Variants in TRIM44 observed in about 807,000 individuals in gnomAD.
TRIM44 encodes tripartite motif-containing protein 44.
In TRIM44, 13 loss-of-function variants were observed where a neutral mutation model predicts 37.4. The observed-to-expected ratio is 0.35, with a 90% CI of 0.23 to 0.55. TRIM44 has a LOEUF of 0.55. Among genes scored for constraint, TRIM44 ranks in the 20% least tolerant of loss-of-function variants. The probability of loss-of-function intolerance (pLI) is 0.89; values close to 1 mark genes in which losing one functional copy is unlikely to be tolerated. For synonymous variants in TRIM44, 175 were observed against 157.2 expected (o/e 1.11, Z -0.85); for missense variants, 426 against 437.2 (o/e 0.97, Z 0.23).
intron 4 of TRIM44, among the ~76,000 whole-genome samples, chr11:35,784,825 G>A (rs1227887452): frequency 6.6e-6 from 1 of 152,160 alleles, no homozygotes; most frequent in Non-Finnish European, 1.5e-5. Context: ...AAACTAGGTT[G>A]TAGAATTTCA....
chr11:35,671,129 A>G (rs1195794901), intron 1 of TRIM44, among the ~76,000 whole-genome samples: 2 of 152,248 alleles, frequency 1.3e-5, no homozygotes, highest in Admixed American at 6.5e-5. Flanking sequence ...TATTGGGAAT[A>G]TAGCAGTGAA....
At chr11:35,787,745 G>A (rs1024490384) in intron 4 of TRIM44, among the ~76,000 whole-genome samples, 1 of 152,192 alleles carries the variant, frequency 6.6e-6, no homozygotes, top group Non-Finnish European at 1.5e-5. Flanking sequence ...GTGGTAGTGA[G>A]TGTCAATGTC....
chr11:35,806,660 A>G lies in TRIM44; in HGVS notation c.*275A>G, dbSNP rs1340231039. ...GAAAGGTCCTTCAGGTAATCCCTCA[A>G]TGGCTGCTTTGAACTTACTCAGGAA... On this transcript the variant is annotated 3_prime_UTR_variant, in exon 5 of 5. Transcript: ENST00000299413. 2.5e-6 allele frequency: 1 copy of G among 406,822 alleles called. No homozygotes were observed. The allele number at this position is 406,822 out of a possible 1,614,324, so 25.2% of individuals were successfully genotyped here.
intron 2 of TRIM44, among the ~76,000 whole-genome samples, chr11:35,708,912 A>C (rs1490221836): frequency 2.0e-5 from 3 of 151,910 alleles, no homozygotes; most frequent in Admixed American, 2.0e-4. Flanking sequence ...AAAATATAAT[A>C]ATAATAAAAA....
intron 4 of TRIM44, among the ~76,000 whole-genome samples, chr11:35,797,367 A>T (rs1242488426): frequency 6.6e-6 from 1 of 152,212 alleles, no homozygotes; most frequent in Non-Finnish European, 1.5e-5. Flanking sequence ...ATTCCACATA[A>T]TGTATGTAGA....
rs1432693848 is a variant in TRIM44, at chr11:35,811,577, G to A, written c.*5192G>A. 2 of 152,152 alleles carry A rather than the reference G, an allele frequency of 1.3e-5. No individual in the cohort carries two copies. Among genetic ancestry groups the A allele is most frequent in the Non-Finnish European group, 2.9e-5 (2 of 68,034 alleles). 9.4% of individuals were successfully genotyped at this position (152,152 alleles called of 1,614,324 possible). The stretch of plus-strand genomic sequence containing the variant: ...GAAGCAATTCCAAGCTGGTTTGAAG[G>A]ACCAGAGGTTGCATTGAAATCAGAA... On this transcript the variant is annotated 3_prime_UTR_variant, in exon 5 of 5. Transcript: ENST00000299413.
chr11:35,765,366 G>T (rs958438477), intron 4 of TRIM44, among the ~76,000 whole-genome samples: 9 of 152,164 alleles, frequency 5.9e-5, no homozygotes, highest in African/African-American at 1.9e-4. Flanking sequence ...ATAGAGAAAT[G>T]TGTTAAGTGC....
intron 4 of TRIM44, among the ~76,000 whole-genome samples, chr11:35,787,652 A>G (rs963710595): frequency 6.6e-6 from 1 of 152,220 alleles, no homozygotes; most frequent in Non-Finnish European, 1.5e-5. Flanking sequence ...ATTAATCTGG[A>G]TACTTGCCTT....
chr11:35,741,213 CAG>C (rs368174282), intron 4 of TRIM44, among the ~76,000 whole-genome samples: 105 of 152,286 alleles, frequency 6.9e-4, no homozygotes, highest in Non-Finnish European at 1.3e-3. Context: ...CTTCAGCATA[CAG>C]AGTCTCTTAA....
At chr11:35,729,019 A>G (rs913569296) in intron 3 of TRIM44, among the ~76,000 whole-genome samples, 1 of 152,158 alleles carries the variant, frequency 6.6e-6, no homozygotes, top group Admixed American at 6.5e-5. Flanking sequence ...TCATCTACCA[A>G]AAGACTCTTG....
chr11:35,741,092 T>G (rs557227652), intron 4 of TRIM44, among the ~76,000 whole-genome samples: 6 of 152,284 alleles, frequency 3.9e-5, no homozygotes, highest in Non-Finnish European at 7.4e-5. Flanking sequence ...TTGTCTTCAT[T>G]GCAGGAAGTC....
intron 4 of TRIM44, among the ~76,000 whole-genome samples, chr11:35,801,295 C>T (rs1278040832): frequency 3.9e-5 from 6 of 152,230 alleles, no homozygotes; most frequent in Non-Finnish European, 8.8e-5. Flanking sequence ...TTTCAGCTGA[C>T]TCTAGCCTTC....
At position 35,816,779 on chromosome 11, in the gene TRIM44, A is replaced by G. The variant is rs1371487010; in HGVS notation, c.*10394A>G. 1 of 152,218 alleles carries G rather than the reference A, an allele frequency of 6.6e-6. No homozygotes were observed. Among genetic ancestry groups the G allele is most frequent in the Non-Finnish European group, 1.5e-5 (1 of 68,042 alleles). 9.4% of individuals were successfully genotyped at this position (152,218 alleles called of 1,614,324 possible). On this transcript the variant is annotated 3_prime_UTR_variant, in exon 5 of 5. Coordinates refer to ENST00000299413, the MANE Select transcript of TRIM44 (RefSeq NM_017583.6). ...GAACAATTAAATGAGCAGATGGTCTACAGGGCTTAGTACAGTGCCTGACAC... is the reference window on the plus strand; with the variant it reads ...GAACAATTAAATGAGCAGATGGTCTGCAGGGCTTAGTACAGTGCCTGACAC...
intron 4 of TRIM44, 56 bp downstream of exon 4, chr11:35,735,501 GGCCTTTTA>G: frequency 6.4e-7 from 1 of 1,570,112 alleles, no homozygotes; most frequent in Non-Finnish European, 8.8e-7. Flanking sequence ...TGACATTTGT[GGCCTTTTA>G]GTGCTCCATG....
chr11:35,685,484 G>A, intron 2 of TRIM44, 148 bp downstream of exon 2: 2 of 654,274 alleles, frequency 3.1e-6, no homozygotes, highest in East Asian at 2.8e-5. Context: ...GTCCTGATAT[G>A]CCTAGAGATA....
chr11:35,750,168 G>A (rs1172054936), intron 4 of TRIM44, among the ~76,000 whole-genome samples: 1 of 152,158 alleles, frequency 6.6e-6, no homozygotes, highest in Admixed American at 6.5e-5. Context: ...TTGATCAAGT[G>A]TCTACTATGT....
intron 4 of TRIM44, among the ~76,000 whole-genome samples, chr11:35,758,045 G>C (rs1198563642): frequency 6.6e-6 from 1 of 152,114 alleles, no homozygotes; most frequent in Non-Finnish European, 1.5e-5. Context: ...TTCAATTCCT[G>C]GGTATGCTTG....
chr11:35,678,280 G>GTAC (rs917553839), intron 1 of TRIM44, among the ~76,000 whole-genome samples: 76 of 152,276 alleles, frequency 5.0e-4, no homozygotes, highest in Middle Eastern at 3.4e-3. Flanking sequence ...ATTGCTGCTT[G>GTAC]TACCAGGTTG....
At chr11:35,753,791 T>A (rs1852588489) in intron 4 of TRIM44, among the ~76,000 whole-genome samples, 1 of 152,158 alleles carries the variant, frequency 6.6e-6, no homozygotes, top group South Asian at 2.1e-4. Context: ...CGCAGTGGCG[T>A]AATCTCAGCT....
Sources: gnomAD v4.1 joint callset for allele counts (sites outside exome capture counted in the v4.1 genomes callset) on GRCh38, gnomAD v4.1.1 for gene constraint, MANE v1.5 for transcripts, NCBI Gene and HGNC (gene_info 2026-07-23, HGNC 2026-07-21) for gene names.